RTN1: variants seen among roughly 807,000 people sequenced by gnomAD.
RTN1 encodes reticulon-1.
In RTN1, 25 loss-of-function variants were observed where a neutral mutation model predicts 65.5. That is an observed-to-expected ratio of 0.38 (90% CI 0.28 to 0.53). The LOEUF is 0.53. Among genes scored for constraint, RTN1 ranks in the 20% least tolerant of loss-of-function variants. The probability of loss-of-function intolerance (pLI) is 0.79; values close to 1 mark genes in which losing one functional copy is unlikely to be tolerated. For synonymous variants in RTN1, 471 were observed against 447.6 expected, an observed-to-expected ratio of 1.05 and a Z score of -0.66; for missense variants, 983 against 1,025.4, an observed-to-expected ratio of 0.96 and a Z score of 0.57.
chr14:59,749,348 C>CTA (rs1386169097), intron 1 of RTN1, among the ~76,000 whole-genome samples: 9 of 33,490 alleles, frequency 2.7e-4, no homozygotes, highest in African/African-American at 1.7e-3. Context: ...CTATATATAT[C>CTA]TATATATATC....
At chr14:59,805,684 T>C (rs563808068) in intron 1 of RTN1, among the ~76,000 whole-genome samples, 1 of 152,360 alleles carries the variant, frequency 6.6e-6, no homozygotes, top group East Asian at 1.9e-4. Context: ...AAAGTTTCTT[T>C]CATGAAAGTC....
At chr14:59,821,991 C>G (rs575890616) in intron 1 of RTN1, among the ~76,000 whole-genome samples, 2 of 152,252 alleles carry the variant, frequency 1.3e-5, no homozygotes, top group Non-Finnish European at 2.9e-5. Flanking sequence ...CACTGTGTCT[C>G]TGACAGGTTT....
chr14:59,747,863 T>G (rs962043501), intron 1 of RTN1, among the ~76,000 whole-genome samples: 9 of 151,866 alleles, frequency 5.9e-5, no homozygotes, highest in African/African-American at 2.2e-4. Flanking sequence ...ATATCAAAGG[T>G]CTTAAGACAC....
At chr14:59,615,943 T>C (rs966597635) in intron 3 of RTN1, among the ~76,000 whole-genome samples, 2 of 152,144 alleles carry the variant, frequency 1.3e-5, no homozygotes, top group African/African-American at 4.8e-5. Flanking sequence ...CCAAATGAAT[T>C]ACGTATGGTA....
chr14:59,703,015 T>C (rs1435179412), intron 3 of RTN1, among the ~76,000 whole-genome samples: 1 of 152,182 alleles, frequency 6.6e-6, no homozygotes, highest in Admixed American at 6.5e-5. Flanking sequence ...GCTGCTTACC[T>C]AAGTTCTTTG....
rs1887017828 is a variant in RTN1 at position 59,825,638 on chromosome 14, A to T, written c.241+44752T>A. On this transcript the variant is annotated intron_variant, in intron 1 of 8. Coordinates refer to ENST00000267484, the MANE Select transcript of RTN1 (RefSeq NM_021136.3). The surrounding 1 kb of genome is among the most constrained non-coding windows in gnomAD (Gnocchi z 4.2). ...TGCTGGAAGGCCAGCCTAGTGCCAC[A>T]TCAAACCACGGAGTCCACACAAAGC... Among the ~76,000 whole-genome samples, 1 of 152,208 alleles carries T rather than the reference A, an allele frequency of 6.6e-6. No homozygotes were observed. Among genetic ancestry groups the T allele is most frequent in the Non-Finnish European group, 1.5e-5 (1 of 68,044 alleles).
chr14:59,671,430 AT>A (rs1229990542), intron 3 of RTN1, among the ~76,000 whole-genome samples: 2 of 152,238 alleles, frequency 1.3e-5, no homozygotes, highest in Non-Finnish European at 2.9e-5. Context: ...AGAGAAAAAC[AT>A]TCCACACTAA....
chr14:59,749,821 TTA>T (rs533070517), intron 1 of RTN1, among the ~76,000 whole-genome samples: 5 of 107,390 alleles, frequency 4.7e-5, no homozygotes, highest in South Asian at 4.9e-4. Flanking sequence ...ATATGTATAT[TTA>T]TATATATCTA....
intron 1 of RTN1, among the ~76,000 whole-genome samples, chr14:59,797,471 GC>G (rs1886460969): frequency 6.6e-6 from 1 of 152,070 alleles, no homozygotes; most frequent in Non-Finnish European, 1.5e-5. Context: ...TATATAGAAA[GC>G]TTTCTCTTTA....
intron 1 of RTN1, among the ~76,000 whole-genome samples, chr14:59,749,561 A>ATATATATCTATCTATATATATT: frequency 2.1e-5 from 1 of 47,126 alleles, no homozygotes; most frequent in African/African-American, 1.9e-4. Context: ...ATAGATATCT[A>ATATATATCTATCTATATATATT]TATATAGATA....
At chr14:59,789,029 T>C (rs558645084) in intron 1 of RTN1, among the ~76,000 whole-genome samples, 1 of 152,206 alleles carries the variant, frequency 6.6e-6, no homozygotes, top group Admixed American at 6.5e-5. Context: ...TTGTATATTA[T>C]GTAATATTGT....
Position 59,603,275 on chromosome 14 carries a change from A to G in RTN1, c.2183-17T>C. 1 of 1,603,876 alleles carries G rather than the reference A, an allele frequency of 6.2e-7. No homozygotes were observed. The highest frequency in any genetic ancestry group is 8.5e-7 in the Non-Finnish European group (1 of 1,173,148). ...AAACCACAGCTGGGATGAAAAACAA[A>G]TATAGTATTAAAATTCTGAGTTATC... is the stretch of plus-strand genomic sequence containing the variant. On this transcript the variant is annotated splice_polypyrimidine_tract_variant and intron_variant, in intron 6 of 8. Coordinates refer to ENST00000267484, the MANE Select transcript of RTN1 (RefSeq NM_021136.3).
In RTN1 at chr14:59,870,297, C is replaced by G. The variant is rs937148811; in HGVS notation, c.241+93G>C. The G allele has an allele frequency of 3.9e-6, 5 of 1,268,146 alleles. No individual in the cohort carries two copies. Among genetic ancestry groups the G allele is most frequent in the Non-Finnish European group, 5.0e-6 (5 of 992,206 alleles). The allele number at this position is 1,268,146 out of a possible 1,614,324, so 78.6% of individuals were successfully genotyped here. A position where few individuals can be genotyped will look rare whatever the true frequency, so the allele number is the denominator to read the frequency against. ...GGGTCGGCGCTCAAGGCAGAAAGCG[C>G]GAGGCAGGTGCCCAGGAGAGCCGCG... On this transcript the variant is annotated intron_variant, in intron 1 of 8. Coordinates refer to ENST00000267484, the MANE Select transcript of RTN1 (RefSeq NM_021136.3). This position sits in a 1 kb window ranked among gnomAD's most constrained non-coding sequence, Gnocchi z 5.1.
chr14:59,839,120 G>A (rs1374311769), intron 1 of RTN1, among the ~76,000 whole-genome samples: 1 of 152,114 alleles, frequency 6.6e-6, no homozygotes, highest in Admixed American at 6.6e-5. Flanking sequence ...CAAAAAGAGA[G>A]GCTTCAAATG....
chr14:59,714,243 A>C (rs7158531), intron 3 of RTN1, among the ~76,000 whole-genome samples: 60,015 of 151,370 alleles, frequency 0.4, 12,300 homozygotes, highest in Admixed American at 0.5. Context: ...AAAAAAAAAA[A>C]AAAAAAAAAA....
chr14:59,656,377 G>T (rs946216538), intron 3 of RTN1, among the ~76,000 whole-genome samples: 11 of 152,174 alleles, frequency 7.2e-5, no homozygotes, highest in Non-Finnish European at 1.5e-4. Flanking sequence ...TAATTAAAAA[G>T]AAATATGGAA....
In RTN1 at chr14:59,816,344, CCA is replaced by C. The variant is rs1380991532; in HGVS notation, c.241+54044_241+54045del. Among the ~76,000 whole-genome samples, 2 of 152,106 alleles carry C rather than the reference CCA, an allele frequency of 1.3e-5. No homozygotes were observed. Among genetic ancestry groups the C allele is most frequent in the Non-Finnish European group, 2.9e-5 (2 of 68,016 alleles). Reference sequence around the variant, plus strand: ...AGCCTCTGTCCACTCTCGCCCATCTCCACTTTGTCCATTTCTCTACCACTACA... The same window carrying C: ...AGCCTCTGTCCACTCTCGCCCATCTCCTTTGTCCATTTCTCTACCACTACA... On this transcript the variant is annotated intron_variant, in intron 1 of 8. Coordinates refer to ENST00000267484, the MANE Select transcript of RTN1 (RefSeq NM_021136.3). The surrounding 1 kb of genome is among the most constrained non-coding windows in gnomAD (Gnocchi z 4.3).
intron 3 of RTN1, among the ~76,000 whole-genome samples, chr14:59,658,863 A>G (rs776142394): frequency 6.6e-6 from 1 of 152,206 alleles, no homozygotes; most frequent in African/African-American, 2.4e-5. Context: ...GCAAAGGAAC[A>G]AAACTGGACA....
intron 1 of RTN1, among the ~76,000 whole-genome samples, chr14:59,828,743 T>G (rs955803481): frequency 6.6e-6 from 1 of 152,198 alleles, no homozygotes; most frequent in Non-Finnish European, 1.5e-5. Flanking sequence ...GGTATGATTT[T>G]TCTCCCAAAG....
Sources: gnomAD v4.1 joint callset for allele counts (sites outside exome capture counted in the v4.1 genomes callset) on GRCh38, gnomAD v4.1.1 for gene constraint, Gnocchi (gnomAD v3.1) non-coding constraint, MANE v1.5 for transcripts, NCBI Gene and HGNC (gene_info 2026-07-23, HGNC 2026-07-21) for gene names.